The following NT5DC1 variants were observed in gnomAD, a reference collection of about 807,000 sequenced individuals.
NT5DC1 encodes the protein 5'-nucleotidase domain-containing protein 1.
A neutral mutation model predicts 59.4 loss-of-function variants in NT5DC1; 42 were observed. The ratio of observed to expected loss-of-function variants is 0.71; its 90% CI spans 0.55 to 0.92. The LOEUF (loss-of-function observed/expected upper bound fraction) is 0.92, where lower values mean the gene tolerates loss of function less well. Ranked by LOEUF, NT5DC1 falls within the 40% of genes least tolerant of loss-of-function variation. The pLI is 0.00. For synonymous variants in NT5DC1, 172 were observed against 188.1 expected (o/e 0.91, Z 0.70); for missense variants, 501 against 537.1 (o/e 0.93, Z 0.66).
At chr6:116,163,141 A>AAATAT (rs761718922) in intron 6 of NT5DC1, among the ~76,000 whole-genome samples, 43 of 88,394 alleles carry the variant, frequency 4.9e-4, no homozygotes, top group African/African-American at 1.8e-3. Flanking sequence ...AAAAAAAAAA[A>AAATAT]ATATATATAT....
chr6:116,169,679 A>T (rs1780562594), intron 6 of NT5DC1, among the ~76,000 whole-genome samples: 1 of 152,224 alleles, frequency 6.6e-6, no homozygotes, highest in Non-Finnish European at 1.5e-5. Flanking sequence ...TGGATAAAAC[A>T]TGAGGAATGA....
chr6:116,119,911 C>T (rs1779056691), intron 6 of NT5DC1: 1 of 691,012 alleles, frequency 1.4e-6, no homozygotes, highest in South Asian at 1.8e-5. Context: ...CGTTGCTGCT[C>T]ACTTTTCAGG....
chr6:116,117,608 T>G (rs867081104), intron 5 of NT5DC1, among the ~76,000 whole-genome samples: 2 of 152,230 alleles, frequency 1.3e-5, no homozygotes, highest in Non-Finnish European at 2.9e-5. Context: ...AAGCCTATTT[T>G]ATAATAAAGT....
At chr6:116,193,922 G>A (rs571738498) in intron 6 of NT5DC1, among the ~76,000 whole-genome samples, 1 of 152,068 alleles carries the variant, frequency 6.6e-6, no homozygotes, top group East Asian at 1.9e-4. Context: ...AAAGTAGTCA[G>A]ATGTGGTGGC....
intron 11 of NT5DC1, among the ~76,000 whole-genome samples, chr6:116,239,988 A>G (rs1295611977): frequency 1.3e-5 from 2 of 152,208 alleles, no homozygotes; most frequent in Non-Finnish European, 2.9e-5. Flanking sequence ...AAATGAAATT[A>G]AGAACTTAAC....
At chr6:116,195,501 G>A (rs1781204071) in intron 6 of NT5DC1, among the ~76,000 whole-genome samples, 1 of 151,928 alleles carries the variant, frequency 6.6e-6, no homozygotes, top group South Asian at 2.1e-4. Context: ...TCATTTTTAA[G>A]AATAGTTCAA....
At chr6:116,114,890 A>G (rs1434238359) in intron 4 of NT5DC1, among the ~76,000 whole-genome samples, 1 of 152,196 alleles carries the variant, frequency 6.6e-6, no homozygotes, top group African/African-American at 2.4e-5. Flanking sequence ...AGTTTGCCAC[A>G]TGGGCTCCAG....
At chr6:116,142,435 A>G (rs1160960171) in intron 6 of NT5DC1, among the ~76,000 whole-genome samples, 2 of 152,178 alleles carry the variant, frequency 1.3e-5, no homozygotes, top group African/African-American at 4.8e-5. Context: ...TATATCATCA[A>G]TGCTAGTTCT....
chr6:116,212,119 A>T (rs962085559), intron 6 of NT5DC1, among the ~76,000 whole-genome samples: 1 of 152,074 alleles, frequency 6.6e-6, no homozygotes, highest in African/African-American at 2.4e-5. Flanking sequence ...TCTTTTTCAA[A>T]TTTTTTATTA....
chr6:116,170,680 A>G (rs1780584230), intron 6 of NT5DC1, among the ~76,000 whole-genome samples: 1 of 152,248 alleles, frequency 6.6e-6, no homozygotes, highest in African/African-American at 2.4e-5. Flanking sequence ...TAGCATACAT[A>G]GCCCTGGCTG....
intron 8 of NT5DC1, among the ~76,000 whole-genome samples, chr6:116,228,247 G>A (rs1156907026): frequency 1.3e-5 from 2 of 152,064 alleles, no homozygotes; most frequent in Non-Finnish European, 2.9e-5. Flanking sequence ...GGTGGCTCAC[G>A]CCTGTAATCC....
chr6:116,145,459 T>A (rs2114379372), intron 6 of NT5DC1: 1 of 388,672 alleles, frequency 2.6e-6, no homozygotes, highest in East Asian at 7.5e-5. Context: ...GCCACATCCT[T>A]GCTTCAGGAT....
At chr6:116,138,526 G>T (rs1411354165) in intron 6 of NT5DC1, among the ~76,000 whole-genome samples, 6 of 151,898 alleles carry the variant, frequency 4.0e-5, no homozygotes, top group African/African-American at 1.2e-4. Context: ...TTCAGAATTT[G>T]CTAATTAAAA....
chr6:116,124,812 G>A (rs1157152358), intron 6 of NT5DC1, among the ~76,000 whole-genome samples: 2 of 152,120 alleles, frequency 1.3e-5, no homozygotes, highest in African/African-American at 2.4e-5. Context: ...AGTTTCATTT[G>A]CCTGCTTGGC....
intron 6 of NT5DC1, chr6:116,120,296 C>T: frequency 1.2e-6 from 2 of 1,614,158 alleles, no homozygotes; most frequent in Non-Finnish European, 1.7e-6. Flanking sequence ...AACATGAGTC[C>T]CTTTCACATG....
At chr6:116,205,713 T>G (rs1459515393) in intron 6 of NT5DC1, among the ~76,000 whole-genome samples, 1 of 152,018 alleles carries the variant, frequency 6.6e-6, no homozygotes, top group African/African-American at 2.4e-5. Context: ...CATTTTAAAT[T>G]TTTCACTAAT....
intron 6 of NT5DC1, among the ~76,000 whole-genome samples, chr6:116,195,201 TATA>T (rs1213696432): frequency 6.6e-6 from 1 of 152,098 alleles, no homozygotes; most frequent in African/African-American, 2.4e-5. Context: ...ATACTGAAGT[TATA>T]ATATAGGCAT....
chr6:116,141,928 T>A (rs960206693), intron 6 of NT5DC1, among the ~76,000 whole-genome samples: 16 of 119,382 alleles, frequency 1.3e-4, no homozygotes, highest in African/African-American at 4.9e-4. Context: ...ACACACACAC[T>A]GTAAATGTGA....
chr6:116,185,099 C>T (rs913021443), intron 6 of NT5DC1, among the ~76,000 whole-genome samples: 1 of 151,952 alleles, frequency 6.6e-6, no homozygotes, highest in South Asian at 2.1e-4. Flanking sequence ...TTTAAATTTC[C>T]ATCTTGAGTT....
Sources: gnomAD v4.1 joint callset for allele counts (sites outside exome capture counted in the v4.1 genomes callset) on GRCh38, gnomAD v4.1.1 for gene constraint, MANE v1.5 for transcripts, NCBI Gene and HGNC (gene_info 2026-07-23, HGNC 2026-07-21) for gene names.